EPS8L2: variants seen among roughly 807,000 people sequenced by gnomAD.
EPS8L2 encodes epidermal growth factor receptor kinase substrate 8-like protein 2.
Under a neutral mutation model 99.4 loss-of-function variants are expected in EPS8L2, and 81 were observed. That is an observed-to-expected ratio of 0.82 (90% CI 0.68 to 0.98). EPS8L2 has a LOEUF of 0.98. Ranked by LOEUF, EPS8L2 falls within the 50% of genes least tolerant of loss-of-function variation. EPS8L2 has a pLI of 0.00. For missense variants in EPS8L2, 1,155 were observed against 968.8 expected (o/e 1.19, Z -2.55); for synonymous variants, 509 against 407.3 (o/e 1.25, Z -3.01).
chr11:710,480 C>T lies in EPS8L2; in HGVS notation c.159C>T (p.His53=), dbSNP rs746624745. Reference sequence around the variant, plus strand: ...TCATGCACGAGACCTCGCAGTACCACGTCCAGGTAAGGCCCCGCCCCCAGG... The same window carrying T: ...TCATGCACGAGACCTCGCAGTACCATGTCCAGGTAAGGCCCCGCCCCCAGG... ...NVIMHETSQY[H]VQHLATFIMD... The change falls in exon 4 of 21, where the codon CAC becomes CAT. Residue 53 remains histidine (H), a synonymous_variant. Coordinates refer to ENST00000318562, the MANE Select transcript of EPS8L2 (RefSeq NM_022772.4). The T allele has an allele frequency of 3.7e-6, 6 of 1,613,558 alleles. No homozygotes were observed. Among genetic ancestry groups the T allele is most frequent in the Non-Finnish European group, 5.1e-6 (6 of 1,179,894 alleles).
chr11:708,977 TC>T (rs1861809771), intron 1 of EPS8L2: 1 of 67,640 alleles, frequency 1.5e-5, no homozygotes, highest in Admixed American at 1.7e-4. Context: ...TCCCACCTCA[TC>T]CCCCTCCCCT....
chr11:726,929 A>G lies in EPS8L2; in HGVS notation c.2096A>G (p.Glu699Gly). 1 of 1,613,428 alleles carries G rather than the reference A, an allele frequency of 6.2e-7. No homozygotes were observed. Among genetic ancestry groups the G allele is most frequent in the Non-Finnish European group, 8.5e-7 (1 of 1,179,934 alleles). The change falls in exon 21 of 21, where the codon GAA becomes GGA. Residue 699 changes from glutamate (E) to glycine (G), a missense_variant. Coordinates refer to ENST00000318562, the MANE Select transcript of EPS8L2 (RefSeq NM_022772.4). ...CAGCAAAGTGGGTCGGAGCTGGAAG[A>G]ACTCATGAACAAGTTTCATTCCATG... ...EKQQSGSELE[E>G]LMNKFHSMNQ...
intron 1 of EPS8L2, chr11:708,671 C>T (rs929107258): frequency 6.6e-6 from 1 of 152,394 alleles, no homozygotes; most frequent in African/African-American, 2.4e-5. Context: ...CCCGGGGACC[C>T]CAGGGTTTCC....
In EPS8L2 at chr11:722,710, G is replaced by C; in HGVS notation, c.1246G>C (p.Val416Leu). 1.9e-6 allele frequency: 3 copies of C among 1,609,180 alleles called. No homozygotes were observed. The South Asian group carries it at 3.3e-5, about 18-fold the overall frequency. The change falls in exon 14 of 21, where the codon GTG (valine) becomes CTG (leucine). Residue 416 changes from valine (V) to leucine (L), a missense_variant. Transcript: ENST00000318562. ...GCGGGAGCCACAGGTGCCCCTCTAC[G>C]TGCCCAAGTTCCACAGCGGCTGGGA... The part of the protein sequence containing the change: ...WPREPQVPLY[V>L]PKFHSGWEPP...
chr11:707,538 C>T (rs1371841680), intron 1 of EPS8L2, among the ~76,000 whole-genome samples: 3 of 152,226 alleles, frequency 2.0e-5, no homozygotes, highest in Non-Finnish European at 2.9e-5. Context: ...AAAATGACCA[C>T]AGTACAAAGT....
chr11:726,770 C>T lies in EPS8L2; in HGVS notation c.2067+19C>T, dbSNP rs749400411. The T allele has an allele frequency of 5.7e-6, 9 of 1,583,348 alleles. No individual in the cohort carries two copies. The highest frequency in any genetic ancestry group is 2.0e-4 in the Middle Eastern group (1 of 5,014). ...CCTGGAGGTGAGCCCGCCTGCGCTC[C>T]GGCGCCACGCCCCTCCTGCCCCTGC... is the stretch of plus-strand genomic sequence containing the variant. On this transcript the variant is annotated intron_variant, in intron 20 of 20. Coordinates refer to ENST00000318562, the MANE Select transcript of EPS8L2 (RefSeq NM_022772.4).
intron 10 of EPS8L2, 58 bp from the exon 11 acceptor site, chr11:721,845 G>C: frequency 6.5e-7 from 1 of 1,542,024 alleles, no homozygotes; most frequent in Non-Finnish European, 8.8e-7. Context: ...TGGGACAGAA[G>C]GCGCAGGGGC....
intron 4 of EPS8L2, among the ~76,000 whole-genome samples, chr11:718,684 T>C (rs1451999328): frequency 1.3e-5 from 2 of 150,598 alleles, no homozygotes; most frequent in Non-Finnish European, 3.0e-5. Flanking sequence ...TTTTTTTTTT[T>C]TTGAGATGGA....
chr11:724,710 C>T lies in EPS8L2; in HGVS notation c.1455-14C>T. On this transcript the variant is annotated splice_polypyrimidine_tract_variant and intron_variant, in intron 15 of 20. Coordinates refer to ENST00000318562, the MANE Select transcript of EPS8L2 (RefSeq NM_022772.4). This position sits in a 1 kb window ranked among gnomAD's most constrained non-coding sequence, Gnocchi z 5.5. The stretch of plus-strand genomic sequence containing the variant: ...CCCACCAGACTGGGCCTCAGCCCCT[C>T]CTGTTCCTCACAGGGGCTACCAGCC... 2.5e-6 allele frequency: 4 copies of T among 1,600,676 alleles called. No individual in the cohort carries two copies. The highest frequency in any genetic ancestry group is 3.4e-6 in the Non-Finnish European group (4 of 1,168,632).
chr11:709,216 G>A (rs1861817981), intron 1 of EPS8L2, 114 bp from the exon 2 acceptor site: 3 of 618,778 alleles, frequency 4.8e-6, no homozygotes, highest in Admixed American at 3.2e-5. Flanking sequence ...CAGGGGCTCT[G>A]CCCCCCAAGG....
chr11:722,238 G>T, intron 12 of EPS8L2, 73 bp downstream of exon 12: 1 of 1,567,866 alleles, frequency 6.4e-7, no homozygotes, highest in Admixed American at 1.7e-5. Context: ...CCCGGGGTCG[G>T]GGTTGGGGCA....
intron 3 of EPS8L2, chr11:710,189 C>G: frequency 1.8e-6 from 1 of 540,754 alleles, no homozygotes; most frequent in Non-Finnish European, 3.3e-6. Flanking sequence ...CCACTCAGAG[C>G]AAGCCCATCG....
intron 19 of EPS8L2, 21 bp from the exon 20 acceptor site, chr11:726,598 C>G: frequency 6.5e-7 from 1 of 1,539,990 alleles, no homozygotes; most frequent in Non-Finnish European, 8.8e-7. Flanking sequence ...GCGGCCCTGA[C>G]GCCCAACTGC....
At chr11:715,116 C>A (rs1861987430) in intron 4 of EPS8L2, among the ~76,000 whole-genome samples, 1 of 152,170 alleles carries the variant, frequency 6.6e-6, no homozygotes, top group East Asian at 1.9e-4. Context: ...ATGGCGGGTG[C>A]CTGTAGTCCC....
At chr11:709,896 G>T in intron 3 of EPS8L2, 1 of 519,822 alleles carries the variant, frequency 1.9e-6, no homozygotes, top group Non-Finnish European at 3.5e-6. Context: ...GTTCAGGCAG[G>T]ATAAGCCGCC....
At chr11:720,512 T>C in intron 5 of EPS8L2, 85 bp from the exon 6 acceptor site, 1 of 1,543,518 alleles carries the variant, frequency 6.5e-7, no homozygotes, top group Non-Finnish European at 8.7e-7. Context: ...GGGCCTGTGC[T>C]CCAGGCTTGT....
Position 726,092 on chromosome 11 carries a change from C to A in EPS8L2, c.1681-6C>A, listed in dbSNP as rs1436059873. On this transcript the variant is annotated splice_polypyrimidine_tract_variant and splice_region_variant and intron_variant, in intron 17 of 20. Transcript: ENST00000318562. ...TGGGGAGCCTAATCGCCCCCCGCCC[C>A]CGCAGGCCGGTCAGAAGTACTGGGG... is the stretch of plus-strand genomic sequence containing the variant. 1 of 1,576,450 alleles carries A rather than the reference C, an allele frequency of 6.3e-7. No homozygotes were observed. The highest frequency in any genetic ancestry group is 1.1e-5 in the South Asian group (1 of 88,540).
chr11:723,859 C>T (rs1862253573), intron 15 of EPS8L2, among the ~76,000 whole-genome samples: 2 of 151,570 alleles, frequency 1.3e-5, no homozygotes, highest in Admixed American at 6.6e-5. Flanking sequence ...CCCTTCTGTG[C>T]TCATTCCTGG....
At chr11:723,197 AG>A in intron 14 of EPS8L2, 43 bp from the exon 15 acceptor site, 1 of 996,770 alleles carries the variant, frequency 1.0e-6, no homozygotes, top group Non-Finnish European at 1.5e-6. Context: ...CCTGGGACCC[AG>A]CCCCGCCCCA....
Sources: gnomAD v4.1 joint callset for allele counts (sites outside exome capture counted in the v4.1 genomes callset) on GRCh38, gnomAD v4.1.1 for gene constraint, Gnocchi (gnomAD v3.1) non-coding constraint, MANE v1.5 for transcripts, NCBI Gene and HGNC (gene_info 2026-07-23, HGNC 2026-07-21) for gene names.